Variants in OXR1 observed in about 807,000 individuals in gnomAD.
OXR1 encodes oxidation resistance protein 1.
In OXR1, 41 loss-of-function variants were observed where a neutral mutation model predicts 104.6. That is an observed-to-expected ratio of 0.39 (90% CI 0.31 to 0.51). The LOEUF (loss-of-function observed/expected upper bound fraction) is 0.51. Among genes scored for constraint, OXR1 ranks in the 20% least tolerant of loss-of-function variants. The pLI, the probability that OXR1 is intolerant of heterozygous loss-of-function variation, is 0.77. For missense variants in OXR1, 955 were observed against 1,031.9 expected (o/e 0.93, Z 1.02); for synonymous variants, 348 against 348.4 (o/e 1.00, Z 0.01).
At chr8:106,745,570 T>C (rs765863708) in intron 15 of OXR1, among the ~76,000 whole-genome samples, 34 of 152,162 alleles carry the variant, frequency 2.2e-4, no homozygotes, top group Non-Finnish European at 4.1e-4. Flanking sequence ...TTTTGAGAAA[T>C]TGGAATTGAA....
intron 8 of OXR1, among the ~76,000 whole-genome samples, chr8:106,705,785 C>T (rs751146016): frequency 9.2e-5 from 14 of 152,086 alleles, no homozygotes; most frequent in Non-Finnish European, 1.8e-4. Flanking sequence ...TTCACCTGAA[C>T]AAGTTCTCTT....
At chr8:106,698,236 T>G (rs1830258851) in intron 7 of OXR1, among the ~76,000 whole-genome samples, 1 of 152,238 alleles carries the variant, frequency 6.6e-6, no homozygotes, top group Admixed American at 6.5e-5. Context: ...TTTTCTGGCT[T>G]GTGTTTTTCT....
intron 3 of OXR1, among the ~76,000 whole-genome samples, chr8:106,544,648 A>C (rs567151925): frequency 6.6e-6 from 1 of 152,308 alleles, no homozygotes; most frequent in Non-Finnish European, 1.5e-5. Context: ...GGAAAAAAAT[A>C]TATAATGCTG....
At chr8:106,477,413 A>G (rs1210211893) in intron 2 of OXR1, among the ~76,000 whole-genome samples, 10 of 151,982 alleles carry the variant, frequency 6.6e-5, no homozygotes, top group Non-Finnish European at 2.9e-5. Context: ...ACATACATGT[A>G]TTACTGTTAA....
At chr8:106,325,732 A>G (rs1214884229) in intron 1 of OXR1, among the ~76,000 whole-genome samples, 1 of 152,226 alleles carries the variant, frequency 6.6e-6, no homozygotes, top group African/African-American at 2.4e-5. Context: ...TGCTTTAGGA[A>G]TATACCCATA....
intron 2 of OXR1, among the ~76,000 whole-genome samples, chr8:106,517,778 T>C (rs1812956758): frequency 6.6e-6 from 1 of 152,190 alleles, no homozygotes; most frequent in African/African-American, 2.4e-5. Context: ...TAAGATAATA[T>C]AGGTCGTATA....
At chr8:106,529,460 A>G (rs1044158021) in intron 3 of OXR1, among the ~76,000 whole-genome samples, 3 of 152,188 alleles carry the variant, frequency 2.0e-5, no homozygotes, top group African/African-American at 7.2e-5. Flanking sequence ...CCAATCATTT[A>G]TGTAATTTTA....
intron 2 of OXR1, among the ~76,000 whole-genome samples, chr8:106,405,398 T>A (rs1236819849): frequency 6.6e-6 from 1 of 151,956 alleles, no homozygotes; most frequent in Non-Finnish European, 1.5e-5. Flanking sequence ...ACTGGGAGCA[T>A]AATCATTCAC....
intron 1 of OXR1, among the ~76,000 whole-genome samples, chr8:106,356,078 G>A (rs1815956046): frequency 6.6e-6 from 1 of 152,136 alleles, no homozygotes; most frequent in Non-Finnish European, 1.5e-5. Context: ...CATTGAGTGA[G>A]GGCATGGTTG....
chr8:106,614,733 T>C (rs866916679), intron 3 of OXR1, among the ~76,000 whole-genome samples: 6 of 152,210 alleles, frequency 3.9e-5, no homozygotes, highest in Admixed American at 2.0e-4. Flanking sequence ...AGGTATCTTA[T>C]AGATATGACA....
intron 1 of OXR1, among the ~76,000 whole-genome samples, chr8:106,350,147 A>G (rs2130304465): frequency 6.6e-6 from 1 of 152,316 alleles, no homozygotes; most frequent in Admixed American, 6.5e-5. Flanking sequence ...TGAAAGACGG[A>G]GGCACCAAAG....
chr8:106,406,061 G>A (rs543133292), intron 2 of OXR1, among the ~76,000 whole-genome samples: 128 of 152,220 alleles, frequency 8.4e-4, no homozygotes, highest in African/African-American at 2.7e-3. Context: ...AAACTAATAA[G>A]CATCTGCAGG....
At chr8:106,368,854 A>G (rs184876360) in intron 2 of OXR1, among the ~76,000 whole-genome samples, 124 of 152,346 alleles carry the variant, frequency 8.1e-4, no homozygotes, top group African/African-American at 2.5e-3. Flanking sequence ...TAGTGCTGCA[A>G]TAAACATACT....
chr8:106,712,487 A>G (rs1274023513), intron 10 of OXR1, among the ~76,000 whole-genome samples: 2 of 152,116 alleles, frequency 1.3e-5, no homozygotes, highest in East Asian at 3.8e-4. Context: ...AATCTGTAAA[A>G]TATCTTGACC....
intron 14 of OXR1, among the ~76,000 whole-genome samples, chr8:106,741,319 G>T (rs1426065233): frequency 6.6e-6 from 1 of 152,048 alleles, no homozygotes; most frequent in African/African-American, 2.4e-5. Flanking sequence ...TTATCAGTGG[G>T]CCAAATGAAT....
intron 2 of OXR1, among the ~76,000 whole-genome samples, chr8:106,425,853 G>C (rs1194482872): frequency 6.6e-6 from 1 of 152,192 alleles, no homozygotes; most frequent in African/African-American, 2.4e-5. Flanking sequence ...TATTGGATTG[G>C]GTATGTGGAT....
chr8:106,375,348 A>T (rs1563743623), intron 2 of OXR1, among the ~76,000 whole-genome samples: 1 of 152,230 alleles, frequency 6.6e-6, no homozygotes, highest in South Asian at 2.1e-4. Flanking sequence ...GTTTGCTTGC[A>T]TTGTGAAAGC....
intron 3 of OXR1, among the ~76,000 whole-genome samples, chr8:106,582,219 T>C (rs1309319095): frequency 6.9e-6 from 1 of 145,668 alleles, no homozygotes; most frequent in Non-Finnish European, 1.5e-5. Context: ...AACATATATA[T>C]ATATATGAAG....
At chr8:106,459,503 G>A (rs4289789) in intron 2 of OXR1, among the ~76,000 whole-genome samples, 9,048 of 151,634 alleles carry the variant, frequency 0.06, 924 homozygotes, top group African/African-American at 0.2. Flanking sequence ...AAAGACAAGC[G>A]CATTACCTAT....
Sources: gnomAD v4.1 joint callset for allele counts (sites outside exome capture counted in the v4.1 genomes callset) on GRCh38, gnomAD v4.1.1 for gene constraint, MANE v1.5 for transcripts, NCBI Gene and HGNC (gene_info 2026-07-23, HGNC 2026-07-21) for gene names.